HERC3: variants seen among roughly 807,000 people sequenced by gnomAD.
The protein encoded by HERC3 is probable E3 ubiquitin-protein ligase HERC3.
HERC3 carries 58 observed loss-of-function variants against 129.9 expected under a neutral mutation model. That is an observed-to-expected ratio of 0.45 (90% CI 0.36 to 0.56). The LOEUF is 0.56. HERC3 is among the 20% of genes least tolerant of loss of function. HERC3 has a pLI of 0.00. For missense variants in HERC3, 835 were observed against 1,244.2 expected, an observed-to-expected ratio of 0.67 and a Z score of 4.95; for synonymous variants, 430 against 451.0, an observed-to-expected ratio of 0.95 and a Z score of 0.59.
At chr4:88,576,278 T>A in the HERC3 span, among the ~76,000 whole-genome samples, 1 of 152,194 alleles carries the variant, frequency 6.6e-6, no homozygotes, top group African/African-American at 2.4e-5. Flanking sequence ...ACCCTTGCCG[T>A]CTTTCCAGGT....
chr4:88,618,740 G>A (rs763874545), intron 3 of HERC3, among the ~76,000 whole-genome samples: 2 of 152,142 alleles, frequency 1.3e-5, no homozygotes, highest in Non-Finnish European at 2.9e-5. Context: ...TCAGCATTTT[G>A]TGAACTCAAG....
chr4:88,658,199 A>G lies in HERC3; in HGVS notation c.1070-216A>G, dbSNP rs140030440. ...CTGGCAGTTGGGGAGGGGCAGAAGA[A>G]GAGTTAGAGTGGAGGATACCATTTT... On this transcript the variant is annotated intron_variant, in intron 9 of 25. Coordinates refer to ENST00000402738, the MANE Select transcript of HERC3 (RefSeq NM_014606.3). The G allele has an allele frequency of 5.0e-4, 177 of 354,558 alleles. 1 individual carries two copies. Among genetic ancestry groups the G allele is most frequent in the African/African-American group, 3.4e-3 (162 of 47,606 alleles). The allele number at this position is 354,558 out of a possible 1,614,324, so 22.0% of individuals were successfully genotyped here.
the HERC3 span, chr4:88,524,860 TG>T: frequency 6.6e-6 from 1 of 152,128 alleles, no homozygotes; most frequent in African/African-American, 2.4e-5. Flanking sequence ...TTTGCATCAC[TG>T]GGCATTATCA....
Position 88,680,149 on chromosome 4 carries a change from T to G in HERC3, c.2253T>G (p.Phe751Leu). ...CCGGTGGTGTTACAAAGGAATTTTT[T>G]CTTTTGCTGTTAAAAGAACTTTTGA... is the stretch of plus-strand genomic sequence containing the variant. Reference protein sequence around the residue: ...VDAGGVTKEFFLLLLKELLNP... With the variant: ...VDAGGVTKEFLLLLLKELLNP... The change falls in exon 20 of 26, where the codon TTT becomes TTG. Residue 751 changes from phenylalanine to leucine, a missense_variant. Phe to Leu is a conservative substitution (Grantham distance 22). Transcript: ENST00000402738. 7 of 1,613,440 alleles carry G rather than the reference T, an allele frequency of 4.3e-6. No individual in the cohort carries two copies. The highest frequency in any genetic ancestry group is 5.1e-6 in the Non-Finnish European group (6 of 1,179,598).
chr4:88,655,051 G>T, intron 7 of HERC3, 123 bp from the exon 8 acceptor site: 1 of 790,514 alleles, frequency 1.3e-6, no homozygotes, highest in Non-Finnish European at 1.9e-6. Flanking sequence ...AAGTGATTTT[G>T]GCCAAGTGTC....
chr4:88,660,675 G>C (rs545824030), intron 10 of HERC3, among the ~76,000 whole-genome samples: 6 of 152,080 alleles, frequency 3.9e-5, no homozygotes, highest in Non-Finnish European at 8.8e-5. Context: ...TTGTTCCCTG[G>C]ATAGAATTGA....
intron 23 of HERC3, chr4:88,689,908 G>C: frequency 1.4e-6 from 1 of 723,044 alleles, no homozygotes; most frequent in Non-Finnish European, 1.7e-6. Context: ...ACGACTCGAA[G>C]CTAGTATGAT....
At position 88,649,841 on chromosome 4, in the gene HERC3, A is replaced by G. The variant is rs746226557; in HGVS notation, c.228A>G (p.Glu76=). Reference sequence around the variant, plus strand: ...CCTCCTCCAATTTGTCTCTTTCAGAACAAATTGGAGCTCTGGCAGATCAGC... The same window carrying G: ...CCTCCTCCAATTTGTCTCTTTCAGAGCAAATTGGAGCTCTGGCAGATCAGC... ...LGHEREGNKP[E]QIGALADQHI... The change falls in exon 4 of 26, where the codon GAA becomes GAG. Residue 76 remains glutamate (E), a splice_region_variant and synonymous_variant. Transcript: ENST00000402738. The G allele has an allele frequency of 1.2e-6, 2 of 1,613,306 alleles. No homozygotes were observed. Among genetic ancestry groups the G allele is most frequent in the Non-Finnish European group, 1.7e-6 (2 of 1,179,432 alleles).
At chr4:88,583,349 T>G in the HERC3 span, among the ~76,000 whole-genome samples, 1 of 151,798 alleles carries the variant, frequency 6.6e-6, no homozygotes, top group Non-Finnish European at 1.5e-5. Context: ...GACAGGAGAA[T>G]TGCTTGAACC....
chr4:88,536,319 A>C, the HERC3 span, among the ~76,000 whole-genome samples: 1 of 152,050 alleles, frequency 6.6e-6, no homozygotes, highest in Non-Finnish European at 1.5e-5. Context: ...GTCCCTCTAA[A>C]CCACTACTCA....
At chr4:88,657,983 C>A (rs944932548) in intron 9 of HERC3, among the ~76,000 whole-genome samples, 3 of 152,162 alleles carry the variant, frequency 2.0e-5, no homozygotes, top group Admixed American at 2.0e-4. Flanking sequence ...TCACCGTGGA[C>A]ACAGTGTGAT....
chr4:88,635,956 A>G (rs1236966623), intron 3 of HERC3, among the ~76,000 whole-genome samples: 4 of 152,206 alleles, frequency 2.6e-5, no homozygotes, highest in Non-Finnish European at 4.4e-5. Context: ...TGCTGAGGGA[A>G]TTTGCCACCA....
intron 23 of HERC3, chr4:88,697,673 C>T (rs908133373): frequency 6.2e-7 from 1 of 1,612,968 alleles, no homozygotes; most frequent in African/African-American, 1.3e-5. Context: ...CCGCCTTCCG[C>T]CATTACCTCC....
intron 16 of HERC3, among the ~76,000 whole-genome samples, chr4:88,673,386 A>T (rs1035589072): frequency 1.1e-4 from 16 of 151,556 alleles, no homozygotes; most frequent in African/African-American, 2.7e-4. Flanking sequence ...CTTCGTATTT[A>T]AAAAAAAATG....
chr4:88,686,605 A>G (rs1407619178), intron 21 of HERC3, 131 bp from the exon 22 acceptor site: 4 of 608,990 alleles, frequency 6.6e-6, no homozygotes, highest in Non-Finnish European at 8.9e-6. Flanking sequence ...GTCCGTCCGG[A>G]TTTATGTTTA....
intron 10 of HERC3, among the ~76,000 whole-genome samples, chr4:88,659,446 T>C (rs150464543): frequency 1.7e-3 from 256 of 152,356 alleles, no homozygotes; most frequent in African/African-American, 5.9e-3. Context: ...TGTGATTAGG[T>C]TGGAAAATCC....
intron 23 of HERC3, among the ~76,000 whole-genome samples, chr4:88,690,990 C>T (rs1043301736): frequency 1.6e-4 from 25 of 152,084 alleles, no homozygotes; most frequent in African/African-American, 5.8e-4. Context: ...AATCTGAAGG[C>T]GTTCAGAGAA....
At chr4:88,616,738 A>G (rs1724942977) in intron 3 of HERC3, among the ~76,000 whole-genome samples, 1 of 152,198 alleles carries the variant, frequency 6.6e-6, no homozygotes, top group Non-Finnish European at 1.5e-5. Context: ...AGTTTCAAGT[A>G]ACAACAGAAT....
intron 19 of HERC3, among the ~76,000 whole-genome samples, chr4:88,678,688 A>T (rs3017918): frequency 0.33 from 50,312 of 152,110 alleles, 10,017 homozygotes; most frequent in African/African-American, 0.54. Context: ...AGTGAATTAT[A>T]TGAAATTGTT....
Sources: allele counts gnomAD v4.1 joint callset (sites outside exome capture counted in the v4.1 genomes callset), GRCh38; gene constraint gnomAD v4.1.1; transcripts MANE v1.5; gene names NCBI Gene and HGNC (gene_info 2026-07-23, HGNC 2026-07-21).